Variants in BAZ2B observed in about 807,000 individuals in gnomAD.
The protein encoded by BAZ2B is bromodomain adjacent to zinc finger domain protein 2B.
BAZ2B carries 91 observed loss-of-function variants against 246.0 expected under a neutral mutation model. The ratio of observed to expected loss-of-function variants is 0.37; its 90% CI spans 0.31 to 0.44. The LOEUF is 0.44. Among genes scored for constraint, BAZ2B ranks in the 20% least tolerant of loss-of-function variants. BAZ2B has a pLI of 1.00. For synonymous variants in BAZ2B, 855 were observed against 860.0 expected, an observed-to-expected ratio of 0.99 and a Z score of 0.10; for missense variants, 2,332 against 2,533.7, an observed-to-expected ratio of 0.92 and a Z score of 1.71.
At chr2:159,483,558 C>T (rs2079483402) in intron 2 of BAZ2B, among the ~76,000 whole-genome samples, 1 of 152,114 alleles carries the variant, frequency 6.6e-6, no homozygotes, top group South Asian at 2.1e-4. Flanking sequence ...GGGCAGATCA[C>T]TTGAGTTCAG....
chr2:159,453,253 A>G (rs545161785), intron 4 of BAZ2B, among the ~76,000 whole-genome samples: 3 of 152,350 alleles, frequency 2.0e-5, no homozygotes, highest in African/African-American at 7.2e-5. Context: ...ATAATTTTTT[A>G]AAAAATCAAA....
intron 2 of BAZ2B, among the ~76,000 whole-genome samples, chr2:159,516,987 T>A (rs927725850): frequency 2.6e-5 from 4 of 152,128 alleles, no homozygotes; most frequent in African/African-American, 9.6e-5. Flanking sequence ...AAGAAAAGTC[T>A]TTAAATTTCA....
chr2:159,566,009 A>G (rs1002061569), intron 1 of BAZ2B, among the ~76,000 whole-genome samples: 4 of 152,020 alleles, frequency 2.6e-5, no homozygotes, highest in African/African-American at 9.7e-5. Context: ...ACATAAAGCA[A>G]TGTTGACTTT....
intron 34 of BAZ2B, among the ~76,000 whole-genome samples, chr2:159,329,997 A>G (rs537891496): frequency 6.6e-6 from 1 of 152,364 alleles, no homozygotes; most frequent in South Asian, 2.1e-4. Flanking sequence ...AAGTTATAAG[A>G]TAATTTTATG....
chr2:159,560,153 T>C (rs375132867), intron 1 of BAZ2B, among the ~76,000 whole-genome samples: 10 of 152,308 alleles, frequency 6.6e-5, no homozygotes, highest in African/African-American at 2.2e-4. Context: ...CTATACTACA[T>C]ACCTACAAAC....
Position 159,349,989 on chromosome 2 carries a change from GATT to G in BAZ2B, c.4579_4581del (p.Asn1527del). ...GGACCACTTGAACCAGTATTAAACA[GATT>G]ATTAGAGTCTGCCTTTTCCACATTG... On this transcript the variant is annotated inframe_deletion, in exon 28 of 37. Transcript: ENST00000392783. 1.2e-6 allele frequency: 2 copies of G among 1,614,190 alleles called. No homozygotes were observed. The highest frequency in any genetic ancestry group is 1.7e-5 in the Admixed American group (1 of 60,028).
intron 36 of BAZ2B, chr2:159,321,913 T>C (rs1342605600): frequency 6.6e-6 from 1 of 152,224 alleles, no homozygotes; most frequent in Non-Finnish European, 1.5e-5. Flanking sequence ...GGATTATCTG[T>C]AACACAAAGG....
intron 3 of BAZ2B, among the ~76,000 whole-genome samples, chr2:159,470,435 T>G (rs2077638369): frequency 6.6e-6 from 1 of 152,212 alleles, no homozygotes; most frequent in Admixed American, 6.5e-5. Flanking sequence ...AGTATACATT[T>G]AAAATGGTGA....
At chr2:159,410,385 T>A (rs924078785) in intron 14 of BAZ2B, among the ~76,000 whole-genome samples, 17 of 152,226 alleles carry the variant, frequency 1.1e-4, no homozygotes, top group African/African-American at 3.9e-4. Flanking sequence ...AGGAGGGACC[T>A]GGTGGGTGGG....
chr2:159,697,468 A>G, the BAZ2B span, among the ~76,000 whole-genome samples: 1 of 152,240 alleles, frequency 6.6e-6, no homozygotes, highest in Non-Finnish European at 1.5e-5. Context: ...ATCCAAAATA[A>G]TGTAAAAGTC....
At chr2:159,382,161 T>C (rs897320910) in intron 25 of BAZ2B, among the ~76,000 whole-genome samples, 1 of 152,226 alleles carries the variant, frequency 6.6e-6, no homozygotes, top group Non-Finnish European at 1.5e-5. Context: ...TAGTAATTGG[T>C]GTTTGAGGAA....
At chr2:159,641,578 G>C in the BAZ2B span, among the ~76,000 whole-genome samples, 1 of 152,142 alleles carries the variant, frequency 6.6e-6, no homozygotes, top group Non-Finnish European at 1.5e-5. Context: ...AATGCCATTT[G>C]TCAATTTTTG....
Position 159,382,570 on chromosome 2 carries a change from A to G in BAZ2B, c.3994T>C (p.Cys1332Arg), listed in dbSNP as rs891403293. 1 of 1,550,294 alleles carries G rather than the reference A, an allele frequency of 6.5e-7. No individual in the cohort carries two copies. Among genetic ancestry groups the G allele is most frequent in the Non-Finnish European group, 8.7e-7 (1 of 1,146,500 alleles). ...EDKKGKKTDI[C>R]EDEDEGDQAA... ...CTAAATTTCATTACCTCATCTTCAC[A>G]GATATCAGTCTTTTTTCCTTTTTTG... Residue 1332 changes from cysteine to arginine, a missense_variant, in exon 25 of 37, where the codon TGT (cysteine) becomes CGT (arginine). Around this residue, in one of 9 missense-constraint regions of BAZ2B, gnomAD observed 676 missense variants for 668.6 expected, o/e 1.01. Coordinates refer to ENST00000392783, the MANE Select transcript of BAZ2B (RefSeq NM_013450.4).
At chr2:159,374,541 T>C (rs745364414) in intron 26 of BAZ2B, 150 bp downstream of exon 26, 14 of 652,570 alleles carry the variant, frequency 2.1e-5, no homozygotes, top group Non-Finnish European at 3.4e-5. Flanking sequence ...TCTTATTTTT[T>C]TTTCTGACAA....
chr2:159,456,827 A>G (rs1355101854), intron 3 of BAZ2B, among the ~76,000 whole-genome samples: 1 of 152,192 alleles, frequency 6.6e-6, no homozygotes, highest in East Asian at 1.9e-4. Context: ...ATCACTTATC[A>G]TAATTGTAGT....
chr2:159,424,624 C>T (rs903984739), intron 13 of BAZ2B, among the ~76,000 whole-genome samples: 6 of 152,050 alleles, frequency 3.9e-5, no homozygotes, highest in Non-Finnish European at 7.4e-5. Context: ...AAATATACTT[C>T]CCAGGAAAAT....
downstream of BAZ2B, among the ~76,000 whole-genome samples, chr2:159,318,712 A>G (rs947458352): frequency 8.5e-5 from 13 of 152,238 alleles, no homozygotes; most frequent in African/African-American, 3.1e-4. Flanking sequence ...AGACCAGAAC[A>G]AGATCTAATG....
the BAZ2B span, among the ~76,000 whole-genome samples, chr2:159,663,854 T>C: frequency 5.4e-5 from 3 of 55,870 alleles, no homozygotes; most frequent in African/African-American, 2.1e-4. Flanking sequence ...CAAACCATTT[T>C]CTTTTTTTTT....
At chr2:159,588,899 A>T (rs886094067) in intron 1 of BAZ2B, among the ~76,000 whole-genome samples, 2 of 152,224 alleles carry the variant, frequency 1.3e-5, no homozygotes, top group Admixed American at 1.3e-4. Flanking sequence ...CATTTTATAT[A>T]GTCAGCCACT....
Sources: allele counts gnomAD v4.1 joint callset (sites outside exome capture counted in the v4.1 genomes callset), GRCh38; gene constraint gnomAD v4.1.1; regional missense constraint gnomAD v4.1.1; transcripts MANE v1.5; gene names NCBI Gene and HGNC (gene_info 2026-07-23, HGNC 2026-07-21).